Variants in UTRN observed in about 807,000 individuals in gnomAD.
The protein encoded by UTRN is utrophin.
In UTRN, 283 loss-of-function variants were observed where a neutral mutation model predicts 463.9. The ratio of observed to expected loss-of-function variants is 0.61; its 90% confidence interval spans 0.55 to 0.67. The LOEUF is 0.67. Among genes scored for constraint, UTRN ranks in the 30% least tolerant of loss-of-function variants. The pLI is 0.00. For missense variants in UTRN, 3,922 were observed against 4,084.3 expected, an observed-to-expected ratio of 0.96 and a Z score of 1.08; for synonymous variants, 1,442 against 1,431.5, an observed-to-expected ratio of 1.01 and a Z score of -0.17.
intron 53 of UTRN, among the ~76,000 whole-genome samples, chr6:144,710,997 T>C (rs1471323503): frequency 1.3e-5 from 2 of 152,122 alleles, no homozygotes; most frequent in Non-Finnish European, 2.9e-5. Flanking sequence ...ACTTAAAAAA[T>C]ATGTAGTGTT....
rs574309429 is a variant in UTRN, at chr6:144,523,963, A to G, written c.5906+775A>G. 3.3e-5 allele frequency among the ~76,000 whole-genome samples: 5 copies of G among 152,332 alleles called. No individual in the cohort carries two copies. In the East Asian group the frequency reaches 7.7e-4, roughly 24 times the overall value. ...TAATAGGTAGAAATGAAAACAGGCA[A>G]GATTTTTGCCAGTAGCTGTGGATGT... On this transcript the variant is annotated intron_variant, in intron 41 of 74. Coordinates refer to ENST00000367545, the MANE Select transcript of UTRN (RefSeq NM_007124.3).
At chr6:144,560,921 A>G (rs1436702266) in intron 50 of UTRN, among the ~76,000 whole-genome samples, 4 of 151,952 alleles carry the variant, frequency 2.6e-5, no homozygotes, top group Admixed American at 2.6e-4. Context: ...ATGTTCAAAA[A>G]TAATATTACT....
In UTRN at chr6:144,650,632, C is replaced by T. The variant is rs373351044; in HGVS notation, c.7480-27774C>T. On this transcript the variant is annotated intron_variant, in intron 51 of 74. Transcript: ENST00000367545. ...CTTTTAATAATTACTGGTCATAGGC[C>T]GGGCGCCGTGGCTCACGCCTGTAAC... 5.9e-5 allele frequency among the ~76,000 whole-genome samples: 9 copies of T among 152,230 alleles called. No homozygotes were observed. In the South Asian group the frequency reaches 1.0e-3, roughly 18 times the overall value.
chr6:144,647,087 T>C (rs1242165785), intron 51 of UTRN, among the ~76,000 whole-genome samples: 2 of 152,202 alleles, frequency 1.3e-5, no homozygotes, highest in African/African-American at 4.8e-5. Flanking sequence ...AAACACACTC[T>C]GGAAAGAAAG....
At chr6:144,754,380 T>C (rs1349919651) in intron 56 of UTRN, among the ~76,000 whole-genome samples, 1 of 152,184 alleles carries the variant, frequency 6.6e-6, no homozygotes, top group African/African-American at 2.4e-5. Flanking sequence ...CTTTATATCC[T>C]TGGGTACCTC....
intron 53 of UTRN, among the ~76,000 whole-genome samples, chr6:144,705,806 G>T (rs1466221183): frequency 6.6e-6 from 1 of 152,054 alleles, no homozygotes; most frequent in Non-Finnish European, 1.5e-5. Context: ...ATTTAATTAT[G>T]TATATTCTGT....
At chr6:144,630,274 G>C (rs1776372520) in intron 51 of UTRN, among the ~76,000 whole-genome samples, 1 of 152,182 alleles carries the variant, frequency 6.6e-6, no homozygotes, top group Admixed American at 6.5e-5. Flanking sequence ...CAAAAGGAGA[G>C]CTTAGTCTTG....
At chr6:144,505,870 A>T (rs894377707) in intron 34 of UTRN, among the ~76,000 whole-genome samples, 17 of 152,190 alleles carry the variant, frequency 1.1e-4, no homozygotes, top group Non-Finnish European at 5.9e-5. Context: ...GTATCCCCCT[A>T]TTATTGTGTG....
In UTRN at chr6:144,506,439, C is replaced by A. The variant is rs931388445; in HGVS notation, c.4765-4505C>A. On this transcript the variant is annotated intron_variant, in intron 34 of 74. Coordinates refer to ENST00000367545, the MANE Select transcript of UTRN (RefSeq NM_007124.3). ...GTATTTAGTGCTTCCTTTGGGAGTT[C>A]TTGTAAGGCAGGCCTCATGGTGACA... is the stretch of plus-strand genomic sequence containing the variant. Among the ~76,000 whole-genome samples, 15 of 152,102 alleles carry A rather than the reference C, an allele frequency of 9.9e-5. 1 individual carries two copies. Among genetic ancestry groups the A allele is most frequent in the Non-Finnish European group, 2.9e-5 (2 of 68,028 alleles).
At chr6:144,425,267 A>G (rs1280771912) in intron 6 of UTRN, among the ~76,000 whole-genome samples, 1 of 152,150 alleles carries the variant, frequency 6.6e-6, no homozygotes, top group Non-Finnish European at 1.5e-5. Flanking sequence ...GACGTCACAA[A>G]AGTGACGTGA....
chr6:144,708,154 T>A, intron 53 of UTRN: 1 of 472,174 alleles, frequency 2.1e-6, no homozygotes, highest in South Asian at 2.1e-5. Flanking sequence ...TCTGATCATT[T>A]GATAAGACCA....
At chr6:144,528,636 G>A (rs1319536063) in intron 41 of UTRN, among the ~76,000 whole-genome samples, 1 of 152,218 alleles carries the variant, frequency 6.6e-6, no homozygotes, top group Non-Finnish European at 1.5e-5. Flanking sequence ...AAAGAGTCCT[G>A]TGATGTGATG....
chr6:144,558,663 A>C (rs954370195), intron 50 of UTRN, among the ~76,000 whole-genome samples: 9 of 152,062 alleles, frequency 5.9e-5, no homozygotes, highest in Non-Finnish European at 1.0e-4. Context: ...AAGACCTACA[A>C]TCAGACAAAG....
At chr6:144,708,161 A>G (rs1043617655) in intron 53 of UTRN, 1 of 499,838 alleles carries the variant, frequency 2.0e-6, no homozygotes, top group African/African-American at 2.0e-5. Flanking sequence ...ATTTGATAAG[A>G]CCAATGGAAG....
At chr6:144,410,794 A>G (rs1011459166) in intron 3 of UTRN, among the ~76,000 whole-genome samples, 1 of 123,780 alleles carries the variant, frequency 8.1e-6, no homozygotes, top group African/African-American at 3.7e-5. Context: ...CATGGTGTGT[A>G]TATGTGTGTG....
intron 16 of UTRN, 100 bp from the exon 17 acceptor site, chr6:144,448,500 C>A: frequency 1.5e-6 from 2 of 1,312,132 alleles, no homozygotes; most frequent in Non-Finnish European, 2.1e-6. Flanking sequence ...TGCTAATAAC[C>A]ATTAAATTGT....
At chr6:144,582,291 A>G (rs1802040456) in intron 51 of UTRN, among the ~76,000 whole-genome samples, 1 of 152,220 alleles carries the variant, frequency 6.6e-6, no homozygotes, top group Non-Finnish European at 1.5e-5. Context: ...TAGCCCGGTT[A>G]CCAGTTTGAG....
chr6:144,324,166 A>G (rs947405533), intron 2 of UTRN, among the ~76,000 whole-genome samples: 1 of 152,200 alleles, frequency 6.6e-6, no homozygotes, highest in African/African-American at 2.4e-5. Context: ...GCTTTAATAC[A>G]TATAGGTGAA....
At chr6:144,597,672 A>G (rs1172210650) in intron 51 of UTRN, among the ~76,000 whole-genome samples, 1 of 152,240 alleles carries the variant, frequency 6.6e-6, no homozygotes, top group Non-Finnish European at 1.5e-5. Context: ...TTCTATTCTT[A>G]AGCTCTAGAA....
Sources: allele counts gnomAD v4.1 joint callset (sites outside exome capture counted in the v4.1 genomes callset), GRCh38; gene constraint gnomAD v4.1.1; transcripts MANE v1.5; gene names NCBI Gene and HGNC (gene_info 2026-07-23, HGNC 2026-07-21).